PTPA: variants seen among roughly 807,000 people sequenced by gnomAD.
PTPA encodes the protein protein phosphatase 2 phosphatase activator.
A neutral mutation model predicts 43.6 loss-of-function variants in PTPA; 13 were observed. That is an observed-to-expected ratio of 0.30 (90% CI 0.19 to 0.47). The LOEUF is 0.47. Among genes scored for constraint, PTPA ranks in the 20% least tolerant of loss-of-function variants. The pLI, the probability that PTPA is intolerant of heterozygous loss-of-function variation, is 0.99. For synonymous variants in PTPA, 172 were observed against 158.2 expected (o/e 1.09, Z -0.66); for missense variants, 329 against 411.9 (o/e 0.80, Z 1.74).
intron 5 of PTPA, among the ~76,000 whole-genome samples, chr9:129,134,487 A>G (rs1850221077): frequency 6.6e-6 from 1 of 151,514 alleles, no homozygotes; most frequent in Non-Finnish European, 1.5e-5. Flanking sequence ...TATTTTTTGT[A>G]GAGACAGGGT....
At position 129,136,263 on chromosome 9, in the gene PTPA, G is replaced by A. The variant is rs1190077735; in HGVS notation, c.561-208G>A. ...ATTACAGGCGTGAGCCACCGTGCCCGGGCCCTTAATCAGTGATTTTTATGC... is the reference window on the plus strand; with the variant it reads ...ATTACAGGCGTGAGCCACCGTGCCCAGGCCCTTAATCAGTGATTTTTATGC... On this transcript the variant is annotated intron_variant, in intron 6 of 9. Transcript: ENST00000393370. 2.6e-5 allele frequency among the ~76,000 whole-genome samples: 4 copies of A among 152,280 alleles called. No individual in the cohort carries two copies. The South Asian group carries it at 6.2e-4, about 24-fold the overall frequency.
chr9:129,133,664 C>T (rs1013559776), intron 5 of PTPA, among the ~76,000 whole-genome samples: 9 of 152,324 alleles, frequency 5.9e-5, no homozygotes, highest in Middle Eastern at 3.4e-3. Context: ...TACTTTTTCA[C>T]CCTGTAATCT....
chr9:129,147,296 A>T, intron 9 of PTPA, 91 bp from the exon 10 acceptor site: 1 of 1,326,682 alleles, frequency 7.5e-7, no homozygotes, highest in South Asian at 1.2e-5. Flanking sequence ...TGGGCCCGGG[A>T]TGGACACCTG....
chr9:129,120,978 C>T (rs955760893), intron 2 of PTPA, among the ~76,000 whole-genome samples: 1 of 152,154 alleles, frequency 6.6e-6, no homozygotes, highest in African/African-American at 2.4e-5. Flanking sequence ...GCCAGTGCCT[C>T]AAGGGGAGAA....
chr9:129,146,045 T>A (rs966507908), intron 9 of PTPA, among the ~76,000 whole-genome samples: 15 of 151,282 alleles, frequency 9.9e-5, no homozygotes, highest in African/African-American at 3.2e-4. Context: ...CCTTGCAACT[T>A]CTTCTATGGG....
intron 2 of PTPA, among the ~76,000 whole-genome samples, chr9:129,122,401 C>T (rs1849303895): frequency 6.6e-6 from 1 of 152,204 alleles, no homozygotes; most frequent in Non-Finnish European, 1.5e-5. Flanking sequence ...CAATACCTGA[C>T]CCTCAGTGCT....
intron 8 of PTPA, chr9:129,140,225 G>C (rs1218117862): frequency 6.6e-6 from 1 of 152,622 alleles, no homozygotes; most frequent in African/African-American, 2.4e-5. Context: ...GCTGCAGCTC[G>C]CTCGCTCATT....
chr9:129,140,504 C>T (rs572754305), intron 8 of PTPA, among the ~76,000 whole-genome samples: 2 of 152,222 alleles, frequency 1.3e-5, no homozygotes, highest in Non-Finnish European at 2.9e-5. Flanking sequence ...CTAGCCCTGG[C>T]TCTGCCAGAG....
At chr9:129,111,092 T>C (rs1041209095), upstream of PTPA, 3 of 1,354,260 alleles carry the variant, frequency 2.2e-6, no homozygotes, top group Non-Finnish European at 3.0e-6. Context: ...CTTAGAGTGA[T>C]AGGAAAACAC....
intron 1 of PTPA, among the ~76,000 whole-genome samples, chr9:129,120,148 C>G (rs1442505866): frequency 2.0e-5 from 3 of 152,142 alleles, no homozygotes; most frequent in Non-Finnish European, 2.9e-5. Context: ...ATCCCAGCTA[C>G]TCAGAACACT....
chr9:129,114,931 A>G (rs1174556697), intron 1 of PTPA, among the ~76,000 whole-genome samples: 2 of 152,236 alleles, frequency 1.3e-5, no homozygotes, highest in Non-Finnish European at 2.9e-5. Flanking sequence ...TTTCCCAAAC[A>G]TGGACTGGCC....
At chr9:129,125,148 G>A (rs753600598) in intron 3 of PTPA, among the ~76,000 whole-genome samples, 6 of 152,182 alleles carry the variant, frequency 3.9e-5, no homozygotes, top group African/African-American at 9.7e-5. Flanking sequence ...CAGGAATGTC[G>A]TGGAGGAAGG....
chr9:129,140,631 C>T (rs1384958155), intron 8 of PTPA, among the ~76,000 whole-genome samples: 1 of 152,216 alleles, frequency 6.6e-6, no homozygotes. Context: ...CGGGCAGGCC[C>T]CTGGCAGACA....
intron 2 of PTPA, among the ~76,000 whole-genome samples, chr9:129,122,502 C>T (rs917553428): frequency 2.0e-5 from 3 of 152,312 alleles, no homozygotes; most frequent in Non-Finnish European, 2.9e-5. Context: ...GGAGACCTGT[C>T]TGTGGCAGGC....
At chr9:129,142,418 CTT>C (rs1850942911) in intron 8 of PTPA, 25 bp from the exon 9 acceptor site, 1 of 1,546,058 alleles carries the variant, frequency 6.5e-7, no homozygotes, top group Admixed American at 1.9e-5. Flanking sequence ...GAACCTGTCT[CTT>C]CAGCTTGTGG....
chr9:129,138,003 C>T (rs546392946), intron 8 of PTPA: 125 of 350,334 alleles, frequency 3.6e-4, no homozygotes, highest in Non-Finnish European at 5.6e-4. Context: ...TCGGGGCGGG[C>T]GGAGGTTTGT....
rs1849469325 is a variant in PTPA at position 129,124,743 on chromosome 9, A to G, written c.216+1605A>G. ...TCTTATCTCAGACACCAGGGCCTGAAGGGCCTCCCTTTACTTTGGCCTACC... is the reference window on the plus strand; with the variant it reads ...TCTTATCTCAGACACCAGGGCCTGAGGGGCCTCCCTTTACTTTGGCCTACC... On this transcript the variant is annotated intron_variant, in intron 3 of 9. Transcript: ENST00000393370. Among the ~76,000 whole-genome samples the G allele has an allele frequency of 2.0e-5, 3 of 152,212 alleles. No homozygotes were observed. The South Asian group carries it at 6.2e-4, about 32-fold the overall frequency.
intron 3 of PTPA, among the ~76,000 whole-genome samples, chr9:129,128,683 G>A (rs1228270860): frequency 6.6e-6 from 1 of 152,132 alleles, no homozygotes; most frequent in Non-Finnish European, 1.5e-5. Flanking sequence ...TTAAAAAGAT[G>A]TCAGGGCTGG....
chr9:129,129,098 C>T lies in PTPA; in HGVS notation c.330C>T (p.Ala110=), dbSNP rs1849775298. ...FGNKAYRTWY[A]KLDEEAENLV... ...ATAAGGCATACAGGACCTGGTATGC[C>T]AAACTTGATGAGGTGAGGCTGCCAC... Residue 110 remains alanine (A), a synonymous_variant, in exon 4 of 10, where the codon GCC becomes GCT. Coordinates refer to ENST00000393370, the MANE Select transcript of PTPA (RefSeq NM_178000.3). 1 of 1,612,110 alleles carries T rather than the reference C, an allele frequency of 6.2e-7. No homozygotes were observed. Among genetic ancestry groups the T allele is most frequent in the African/African-American group, 1.3e-5 (1 of 74,836 alleles).
Sources: allele counts gnomAD v4.1 joint callset (sites outside exome capture counted in the v4.1 genomes callset), GRCh38; gene constraint gnomAD v4.1.1; transcripts MANE v1.5; gene names NCBI Gene and HGNC (gene_info 2026-07-23, HGNC 2026-07-21).